Variants in SPSB1 observed in about 807,000 individuals in gnomAD.
SPSB1 encodes the protein SPRY domain-containing SOCS box protein 1.
A neutral mutation model predicts 21.2 loss-of-function variants in SPSB1; 8 were observed. The ratio of observed to expected loss-of-function variants is 0.38; its 90% confidence interval spans 0.22 to 0.68. The LOEUF (loss-of-function observed/expected upper bound fraction) is 0.68, where lower values mean the gene tolerates loss of function less well. Ranked by LOEUF, SPSB1 falls within the 30% of genes least tolerant of loss-of-function variation. The pLI is 0.53. For synonymous variants in SPSB1, 169 were observed against 161.7 expected (o/e 1.05, Z -0.34); for missense variants, 242 against 377.8 (o/e 0.64, Z 2.98).
chr1:9,319,610 T>C (rs1437514567), intron 1 of SPSB1, among the ~76,000 whole-genome samples: 1 of 152,074 alleles, frequency 6.6e-6, no homozygotes, highest in Admixed American at 6.5e-5. Context: ...TGTCTCACGG[T>C]GGCTGATGTT....
In SPSB1 at chr1:9,348,530, T is replaced by C. The variant is rs1640200695; in HGVS notation, c.-149-7213T>C. On this transcript the variant is annotated intron_variant, in intron 1 of 2. Transcript: ENST00000328089. The surrounding 1 kb of genome is among the most constrained non-coding windows in gnomAD (Gnocchi z 4.8). ...AGTGCACTTTGGGGATGCTTTTGACTCCTCCCCATCCCCTGGGATCAGCAT... is the reference window on the plus strand; with the variant it reads ...AGTGCACTTTGGGGATGCTTTTGACCCCTCCCCATCCCCTGGGATCAGCAT... 6.6e-6 allele frequency among the ~76,000 whole-genome samples: 1 copy of C among 151,892 alleles called. No individual in the cohort carries two copies. Among genetic ancestry groups the C allele is most frequent in the South Asian group, 2.1e-4 (1 of 4,812 alleles).
intron 1 of SPSB1, among the ~76,000 whole-genome samples, chr1:9,354,630 T>TG (rs1384233428): frequency 6.6e-6 from 1 of 152,138 alleles, no homozygotes; most frequent in African/African-American, 2.4e-5. Context: ...CTGGCCAACA[T>TG]GGTGAAACCC....
chr1:9,321,909 T>C lies in SPSB1; in HGVS notation c.-150+28838T>C, dbSNP rs1003433543. On this transcript the variant is annotated intron_variant, in intron 1 of 2. Coordinates refer to ENST00000328089, the MANE Select transcript of SPSB1 (RefSeq NM_025106.4). This position sits in a 1 kb window ranked among gnomAD's most constrained non-coding sequence, Gnocchi z 4.8. ...ATGACAGCAGCAAGATTAATACCCG[T>C]AGGTGCCATTGACGAGTGATCCTGC... Among the ~76,000 whole-genome samples the C allele has an allele frequency of 2.6e-5, 4 of 152,136 alleles. No individual in the cohort carries two copies. Among genetic ancestry groups the C allele is most frequent in the Non-Finnish European group, 4.4e-5 (3 of 68,022 alleles).
intron 1 of SPSB1, among the ~76,000 whole-genome samples, chr1:9,311,092 G>A (rs577923323): frequency 6.6e-6 from 1 of 151,664 alleles, no homozygotes; most frequent in South Asian, 2.1e-4. Context: ...AGCCTCCCAG[G>A]CTCCCTGAAA....
At position 9,356,623 on chromosome 1, in the gene SPSB1, C is replaced by T. The variant is rs369321807; in HGVS notation, c.694+38C>T. 2.2e-4 allele frequency: 339 copies of T among 1,553,088 alleles called. No homozygotes were observed. The highest frequency in any genetic ancestry group is 4.0e-4 in the Admixed American group (22 of 55,064). On this transcript the variant is annotated intron_variant, in intron 2 of 2. Coordinates refer to ENST00000328089, the MANE Select transcript of SPSB1 (RefSeq NM_025106.4). This position sits in a 1 kb window ranked among gnomAD's most constrained non-coding sequence, Gnocchi z 7.4. ...TCTGCTGTCAGAGGCAATGCCCTCC[C>T]TCAGTCCCCATGGTCCTGGCTGGGC...
rs900765607 is a variant in SPSB1, at chr1:9,293,990, C to G, written c.-150+919C>G. Reference sequence around the variant, plus strand: ...TGTGCCTCTGAGTGTGTGTGTGAGTCTGTGTGTCTGTCAATGTGTGCCTGA... The same window carrying G: ...TGTGCCTCTGAGTGTGTGTGTGAGTGTGTGTGTCTGTCAATGTGTGCCTGA... On this transcript the variant is annotated intron_variant, in intron 1 of 2. Coordinates refer to ENST00000328089, the MANE Select transcript of SPSB1 (RefSeq NM_025106.4). The surrounding 1 kb of genome is among the most constrained non-coding windows in gnomAD (Gnocchi z 5.1). Among the ~76,000 whole-genome samples, 1 of 151,062 alleles carries G rather than the reference C, an allele frequency of 6.6e-6. No individual in the cohort carries two copies. Among genetic ancestry groups the G allele is most frequent in the African/African-American group, 2.4e-5 (1 of 41,016 alleles).
At chr1:9,301,568 A>G (rs543767481) in intron 1 of SPSB1, among the ~76,000 whole-genome samples, 19 of 151,838 alleles carry the variant, frequency 1.3e-4, no homozygotes, top group African/African-American at 4.1e-4. Context: ...ACACGGATAG[A>G]CCTCCCGAGT....
At position 9,324,310 on chromosome 1, in the gene SPSB1, C is replaced by A. The variant is rs972685266; in HGVS notation, c.-150+31239C>A. On this transcript the variant is annotated intron_variant, in intron 1 of 2. Transcript: ENST00000328089. This position sits in a 1 kb window ranked among gnomAD's most constrained non-coding sequence, Gnocchi z 4.3. The stretch of plus-strand genomic sequence containing the variant: ...TCTTCATGGCATCGATGAATCGTGT[C>A]CCGATTAGCTGTTGGTGGTGTGCCA... Among the ~76,000 whole-genome samples, 1 of 152,166 alleles carries A rather than the reference C, an allele frequency of 6.6e-6. No homozygotes were observed. The highest frequency in any genetic ancestry group is 2.1e-4 in the South Asian group (1 of 4,826).
chr1:9,358,556 T>G (rs1640414528), intron 2 of SPSB1, among the ~76,000 whole-genome samples: 1 of 152,236 alleles, frequency 6.6e-6, no homozygotes, highest in South Asian at 2.1e-4. Flanking sequence ...GGGCATATCC[T>G]GCCTAGGACC....
chr1:9,332,513 G>T (rs1639937760), intron 1 of SPSB1, among the ~76,000 whole-genome samples: 1 of 152,164 alleles, frequency 6.6e-6, no homozygotes, highest in South Asian at 2.1e-4. Flanking sequence ...CAGGGTCACT[G>T]CTGGGGAGAT....
chr1:9,356,593 T>A lies in SPSB1; in HGVS notation c.694+8T>A. The A allele has an allele frequency of 6.4e-7, 1 of 1,574,756 alleles. No homozygotes were observed. The highest frequency in any genetic ancestry group is 8.6e-7 in the Non-Finnish European group (1 of 1,156,338). ...ACTTGAACGGACTCGATCGTAAGTG[T>A]CTCCTCTGCTGTCAGAGGCAATGCC... On this transcript the variant is annotated splice_region_variant and intron_variant, in intron 2 of 2. Coordinates refer to ENST00000328089, the MANE Select transcript of SPSB1 (RefSeq NM_025106.4). The surrounding 1 kb of genome is among the most constrained non-coding windows in gnomAD (Gnocchi z 7.4).
rs1332526561 is a variant in SPSB1 at position 9,346,001 on chromosome 1, C to A, written c.-149-9742C>A. Among the ~76,000 whole-genome samples the A allele has an allele frequency of 4.6e-5, 7 of 152,210 alleles. No individual in the cohort carries two copies. In the East Asian group the frequency reaches 1.3e-3, roughly 29 times the overall value. ...CAGCCAGCACGGAGCATGCCCCGAGCCCTTCCACCACCAAGAGTGTCCCTG... is the reference window on the plus strand; with the variant it reads ...CAGCCAGCACGGAGCATGCCCCGAGACCTTCCACCACCAAGAGTGTCCCTG... On this transcript the variant is annotated intron_variant, in intron 1 of 2. Transcript: ENST00000328089. This position sits in a 1 kb window ranked among gnomAD's most constrained non-coding sequence, Gnocchi z 4.4.
rs1183460452 is a variant in SPSB1 at position 9,369,206 on chromosome 1, T to G, written c.*1631T>G. 3 of 56,286 alleles carry G rather than the reference T, an allele frequency of 5.3e-5. No individual in the cohort carries two copies. The highest frequency in any genetic ancestry group is 8.1e-4 in the South Asian group (2 of 2,472). 3.5% of individuals were successfully genotyped at this position (56,286 alleles called of 1,614,324 possible). A position where few individuals can be genotyped will look rare whatever the true frequency, so the allele number is the denominator to read the frequency against. ...CATTACCCCCTTATTATTTTGACGG[T>G]TTTTTTTTTCGGGGCAGGGGACCTT... On this transcript the variant is annotated 3_prime_UTR_variant, in exon 3 of 3. Transcript: ENST00000328089.
In SPSB1 at chr1:9,355,996, C is replaced by A; in HGVS notation, c.105C>A (p.Thr35=). Residue 35 remains threonine, a synonymous_variant, in exon 2 of 3, where the codon ACC becomes ACA. Transcript: ENST00000328089. ...ELQGLDYCKP[T]RLDLLLDMPP... ...AGGGTCTGGATTACTGCAAGCCCACCCGGCTGGATCTGCTACTGGACATGC... is the reference window on the plus strand; with the variant it reads ...AGGGTCTGGATTACTGCAAGCCCACACGGCTGGATCTGCTACTGGACATGC... 1 of 1,614,086 alleles carries A rather than the reference C, an allele frequency of 6.2e-7. No homozygotes were observed. The highest frequency in any genetic ancestry group is 8.5e-7 in the Non-Finnish European group (1 of 1,180,006).
chr1:9,367,399 T>C lies in SPSB1; in HGVS notation c.695-49T>C, dbSNP rs752211631. On this transcript the variant is annotated intron_variant, in intron 2 of 2. Transcript: ENST00000328089. This position sits in a 1 kb window ranked among gnomAD's most constrained non-coding sequence, Gnocchi z 5.9. ...TGCTGCTGTGGTTAGCGCTGTTTGC[T>C]GAACACCCACCCAAGCTGCGCTGAC... 1.6e-5 allele frequency: 25 copies of C among 1,612,188 alleles called. No individual in the cohort carries two copies. Among genetic ancestry groups the C allele is most frequent in the East Asian group, 4.5e-5 (2 of 44,878 alleles).
At position 9,324,548 on chromosome 1, in the gene SPSB1, G is replaced by T. The variant is rs548361383; in HGVS notation, c.-149-31195G>T. 2.6e-4 allele frequency among the ~76,000 whole-genome samples: 40 copies of T among 152,298 alleles called. 1 individual carries two copies. In the East Asian group the frequency reaches 7.5e-3, roughly 29 times the overall value. On this transcript the variant is annotated intron_variant, in intron 1 of 2. Transcript: ENST00000328089. The surrounding 1 kb of genome is among the most constrained non-coding windows in gnomAD (Gnocchi z 4.3). ...GTGTGTCCGATGAGGAAACCAGCTT[G>T]GGTGGGGAGGGGGAGTCAAGACAAA...
At chr1:9,315,704 C>CT (rs1639602287) in intron 1 of SPSB1, among the ~76,000 whole-genome samples, 1 of 152,254 alleles carries the variant, frequency 6.6e-6, no homozygotes. Context: ...GCAAAGAACA[C>CT]TGAGTGGGGA....
intron 1 of SPSB1, among the ~76,000 whole-genome samples, chr1:9,330,027 C>T (rs1639888557): frequency 6.6e-6 from 1 of 152,180 alleles, no homozygotes; most frequent in African/African-American, 2.4e-5. Flanking sequence ...AAAAGGGAAA[C>T]CTGACCATCT....
At chr1:9,365,136 C>T (rs1408540202) in intron 2 of SPSB1, among the ~76,000 whole-genome samples, 3 of 151,754 alleles carry the variant, frequency 2.0e-5, no homozygotes, top group Admixed American at 6.6e-5. Flanking sequence ...GGATTACAGG[C>T]GTGAGCCACC....
Sources: allele counts gnomAD v4.1 joint callset (sites outside exome capture counted in the v4.1 genomes callset), GRCh38; gene constraint gnomAD v4.1.1; non-coding constraint Gnocchi (gnomAD v3.1); transcripts MANE v1.5; gene names NCBI Gene and HGNC (gene_info 2026-07-23, HGNC 2026-07-21).